Variants in GLRA1 observed in about 807,000 individuals in gnomAD.
The protein encoded by GLRA1 is glycine receptor subunit alpha-1.
A neutral mutation model predicts 48.3 loss-of-function variants in GLRA1; 37 were observed. The observed-to-expected ratio is 0.77, with a 90% CI of 0.59 to 1.01. GLRA1 has a LOEUF of 1.01. GLRA1 is among the 50% of genes least tolerant of loss of function. GLRA1 has a pLI of 0.00. For synonymous variants in GLRA1, 196 were observed against 210.7 expected (o/e 0.93, Z 0.60); for missense variants, 427 against 571.0 (o/e 0.75, Z 2.57).
At chr5:151,858,533 C>A (rs1397867634) in intron 4 of GLRA1, among the ~76,000 whole-genome samples, 3 of 152,200 alleles carry the variant, frequency 2.0e-5, no homozygotes, top group Non-Finnish European at 2.9e-5. Flanking sequence ...ATGGCCATTT[C>A]CTAAGCCTGT....
intron 3 of GLRA1, among the ~76,000 whole-genome samples, chr5:151,871,343 C>T (rs1753479380): frequency 1.3e-5 from 2 of 149,216 alleles, no homozygotes; most frequent in South Asian, 4.2e-4. Flanking sequence ...AAGATCTCAT[C>T]CATAATAGCA....
chr5:151,865,128 GC>G (rs1753298700), intron 3 of GLRA1, among the ~76,000 whole-genome samples: 1 of 152,152 alleles, frequency 6.6e-6, no homozygotes, highest in Admixed American at 6.5e-5. Context: ...ATTTAACTGA[GC>G]TCTCTTAAGT....
intron 7 of GLRA1, among the ~76,000 whole-genome samples, chr5:151,844,862 T>C (rs1752627822): frequency 6.6e-6 from 1 of 151,986 alleles, no homozygotes; most frequent in East Asian, 1.9e-4. Flanking sequence ...AATTCTGATG[T>C]CTGGAAAAGT....
At chr5:151,886,651 G>T in intron 3 of GLRA1, 70 bp downstream of exon 3, 1 of 1,157,752 alleles carries the variant, frequency 8.6e-7, no homozygotes, top group Non-Finnish European at 1.3e-6. Context: ...GGAGACCAAT[G>T]CAGAGGATAA....
intron 1 of GLRA1, among the ~76,000 whole-genome samples, chr5:151,915,153 G>T (rs142825040): frequency 0.011 from 1,740 of 152,016 alleles, 16 homozygotes; most frequent in South Asian, 0.025. Flanking sequence ...TATTTTTTTT[G>T]AGAATTATGA....
At chr5:151,844,621 C>CAAAAAAAAAAAA (rs202218874) in intron 7 of GLRA1, among the ~76,000 whole-genome samples, 10 of 49,706 alleles carry the variant, frequency 2.0e-4, no homozygotes, top group African/African-American at 5.7e-4. Context: ...TACTCTATCT[C>CAAAAAAAAAAAA]AAAAAAAAAA....
At chr5:151,867,581 C>A (rs966191621) in intron 3 of GLRA1, among the ~76,000 whole-genome samples, 1 of 152,158 alleles carries the variant, frequency 6.6e-6, no homozygotes, top group African/African-American at 2.4e-5. Flanking sequence ...ATACAACAGG[C>A]ATTATGTCTT....
At chr5:151,859,722 C>T in intron 4 of GLRA1, 63 bp downstream of exon 4, 3 of 1,232,580 alleles carry the variant, frequency 2.4e-6, no homozygotes, top group Non-Finnish European at 3.6e-6. Context: ...GAGTCTATGC[C>T]CAGAAGGTAG....
chr5:151,856,537 G>A (rs1444603938), intron 4 of GLRA1, among the ~76,000 whole-genome samples, 154 bp from the exon 5 acceptor site: 3 of 152,106 alleles, frequency 2.0e-5, no homozygotes, highest in Non-Finnish European at 2.9e-5. Context: ...TTATTTTTGA[G>A]AGATGAGATC....
chr5:151,892,734 C>A (rs1377967626), intron 1 of GLRA1, among the ~76,000 whole-genome samples: 1 of 152,126 alleles, frequency 6.6e-6, no homozygotes, highest in Non-Finnish European at 1.5e-5. Context: ...AGCTGGGTGT[C>A]CCTGGGAGAG....
intron 1 of GLRA1, among the ~76,000 whole-genome samples, chr5:151,911,730 C>T (rs186843457): frequency 4.6e-5 from 7 of 151,706 alleles, no homozygotes; most frequent in Admixed American, 3.9e-4. Context: ...CTCAGCCTCC[C>T]GAGTAGCTGG....
At position 151,851,459 on chromosome 5, in the gene GLRA1, C is replaced by G. The variant is rs1231680194; in HGVS notation, c.843G>C (p.Val281=). ...WINMDAAPAR[V]GLGITTVLTM... ...TGAGCACAGTGGTGATGCCTAGGCC[C>G]ACACGAGCAGGTGCAGCATCCATGT... Residue 281 remains valine (V), a synonymous_variant, in exon 7 of 9, where the codon GTG becomes GTC. Transcript: ENST00000274576. 5.6e-6 allele frequency: 9 copies of G among 1,613,876 alleles called. No individual in the cohort carries two copies. Among genetic ancestry groups the G allele is most frequent in the Non-Finnish European group, 7.6e-6 (9 of 1,179,976 alleles).
chr5:151,920,056 A>G (rs993195455), intron 1 of GLRA1, among the ~76,000 whole-genome samples: 3 of 152,242 alleles, frequency 2.0e-5, no homozygotes, highest in African/African-American at 7.2e-5. Flanking sequence ...CCTTTCTGCA[A>G]TGACAGGGAC....
intron 1 of GLRA1, among the ~76,000 whole-genome samples, chr5:151,898,729 G>A (rs922177345): frequency 1.3e-5 from 2 of 152,162 alleles, no homozygotes; most frequent in African/African-American, 4.8e-5. Flanking sequence ...AAGACAGGGA[G>A]GTGGGAGGTG....
chr5:151,831,313 C>A (rs1763416883), intron 7 of GLRA1, among the ~76,000 whole-genome samples: 1 of 152,218 alleles, frequency 6.6e-6, no homozygotes, highest in African/African-American at 2.4e-5. Flanking sequence ...ATTCACTCCC[C>A]TGGAAAGGGG....
In GLRA1 at chr5:151,904,914, G is replaced by A. The variant is rs1265782003; in HGVS notation, c.57-12476C>T. 2.0e-5 allele frequency among the ~76,000 whole-genome samples: 3 copies of A among 152,168 alleles called. No homozygotes were observed. In the East Asian group the frequency reaches 5.8e-4, roughly 29 times the overall value. ...TGTGCTTTATATTGGAATCTAGAAG[G>A]GCCACCCACTCTGACCCTAGAAGAG... is the stretch of plus-strand genomic sequence containing the variant. On this transcript the variant is annotated intron_variant, in intron 1 of 8. Transcript: ENST00000274576.
intron 2 of GLRA1, among the ~76,000 whole-genome samples, chr5:151,891,660 A>C (rs1163542732): frequency 6.6e-6 from 1 of 152,120 alleles, no homozygotes; most frequent in Non-Finnish European, 1.5e-5. Flanking sequence ...TAAGTTATCT[A>C]CCCAACCCTG....
At chr5:151,880,985 A>G (rs1753747192) in intron 3 of GLRA1, among the ~76,000 whole-genome samples, 1 of 152,276 alleles carries the variant, frequency 6.6e-6, no homozygotes, top group Non-Finnish European at 1.5e-5. Flanking sequence ...TTCCACATGT[A>G]CAAATATAAA....
chr5:151,842,945 A>G (rs1178451738), intron 7 of GLRA1, among the ~76,000 whole-genome samples: 1 of 152,230 alleles, frequency 6.6e-6, no homozygotes, highest in Admixed American at 6.5e-5. Context: ...TCTATAGACT[A>G]GAATGAATAA....
Sources: allele counts gnomAD v4.1 joint callset (sites outside exome capture counted in the v4.1 genomes callset), GRCh38; gene constraint gnomAD v4.1.1; transcripts MANE v1.5; gene names NCBI Gene and HGNC (gene_info 2026-07-23, HGNC 2026-07-21).